The following TUSC3 variants were observed in gnomAD, a reference collection of about 807,000 sequenced individuals.
TUSC3 encodes dolichyl-diphosphooligosaccharide--protein glycosyltransferase subunit TUSC3.
A neutral mutation model predicts 44.8 loss-of-function variants in TUSC3; 45 were observed. That is an observed-to-expected ratio of 1.00 (90% CI 0.79 to 1.29). The LOEUF (loss-of-function observed/expected upper bound fraction) is 1.29, where lower values mean the gene tolerates loss of function less well. Ranked by LOEUF, TUSC3 falls within the 50% of genes most tolerant of loss-of-function variation. The probability of loss-of-function intolerance (pLI) is 0.00; values close to 1 mark genes in which losing one functional copy is unlikely to be tolerated. For synonymous variants in TUSC3, 212 were observed against 152.9 expected (o/e 1.39, Z -2.85); for missense variants, 519 against 437.9 (o/e 1.19, Z -1.65).
intron 1 of TUSC3, among the ~76,000 whole-genome samples, chr8:15,606,165 C>T (rs1460943440): frequency 6.6e-6 from 1 of 151,958 alleles, no homozygotes; most frequent in East Asian, 1.9e-4. Flanking sequence ...TTGATAGATA[C>T]CATAGATTGA....
At chr8:15,544,286 AT>A (rs1248031047) in intron 1 of TUSC3, among the ~76,000 whole-genome samples, 1 of 146,628 alleles carries the variant, frequency 6.8e-6, no homozygotes, top group Non-Finnish European at 1.5e-5. Flanking sequence ...AATCAGCTTC[AT>A]TTAGAATTGT....
intron 6 of TUSC3, among the ~76,000 whole-genome samples, chr8:15,684,749 T>C (rs547087362): frequency 1.1e-3 from 169 of 152,236 alleles, no homozygotes; most frequent in Non-Finnish European, 1.4e-3. Context: ...TTGGTATCCC[T>C]GGGTGGTGTG....
intron 2 of TUSC3, among the ~76,000 whole-genome samples, chr8:15,534,222 A>C (rs1019057360): frequency 6.6e-6 from 1 of 152,190 alleles, no homozygotes; most frequent in African/African-American, 2.4e-5. Flanking sequence ...GCAAGATAAA[A>C]TAATAACTTT....
intron 6 of TUSC3, among the ~76,000 whole-genome samples, chr8:15,703,169 A>C (rs769675166): frequency 1.3e-5 from 2 of 152,060 alleles, no homozygotes; most frequent in Non-Finnish European, 2.9e-5. Context: ...ATCTTTCTAA[A>C]CTCTTTATGA....
Position 15,443,334 on chromosome 8 carries a change from A to G in TUSC3, n.91+26029A>G, listed in dbSNP as rs561458772. ...CAGGTATACAACACCACACCCACCTAATTGTGTGTGTGTGTGTGTGTGTGT... is the reference window on the plus strand; with the variant it reads ...CAGGTATACAACACCACACCCACCTGATTGTGTGTGTGTGTGTGTGTGTGT... On this transcript the variant is annotated intron_variant and non_coding_transcript_variant, in intron 1 of 5. Transcript: ENST00000503191. 6.3e-5 allele frequency among the ~76,000 whole-genome samples: 6 copies of G among 95,672 alleles called. No individual in the cohort carries two copies. The East Asian group carries it at 2.3e-3, about 37-fold the overall frequency. The allele number at this position is 95,672 out of a possible 152,430, so 62.8% of individuals were successfully genotyped here. A position where few individuals can be genotyped will look rare whatever the true frequency, so the allele number is the denominator to read the frequency against.
intron 2 of TUSC3, among the ~76,000 whole-genome samples, chr8:15,510,214 G>T (rs909212140): frequency 2.6e-5 from 4 of 151,962 alleles, no homozygotes; most frequent in Non-Finnish European, 5.9e-5. Flanking sequence ...AAAGCCAAAA[G>T]AAGGAGAAAA....
intron 2 of TUSC3, among the ~76,000 whole-genome samples, chr8:15,508,042 G>C (rs189941192): frequency 6.6e-6 from 1 of 152,050 alleles, no homozygotes; most frequent in Non-Finnish European, 1.5e-5. Flanking sequence ...AGGAGTTCAC[G>C]GCCAGCCTGG....
chr8:15,749,026 G>T (rs1323023962), intron 9 of TUSC3, among the ~76,000 whole-genome samples: 2 of 152,110 alleles, frequency 1.3e-5, no homozygotes, highest in Admixed American at 6.5e-5. Context: ...TTTCAGTAAA[G>T]CACACTACAG....
At chr8:15,700,323 T>A (rs1297457710) in intron 6 of TUSC3, among the ~76,000 whole-genome samples, 8 of 151,772 alleles carry the variant, frequency 5.3e-5, no homozygotes, top group Non-Finnish European at 4.4e-5. Context: ...TATTCTGGGC[T>A]GAATTCCTGT....
At chr8:15,718,562 T>C (rs999845293) in intron 6 of TUSC3, among the ~76,000 whole-genome samples, 2 of 152,112 alleles carry the variant, frequency 1.3e-5, no homozygotes, top group Admixed American at 1.3e-4. Context: ...GTAAAAGAGC[T>C]GTTGAATTTA....
At chr8:15,478,324 T>C (rs1800609933) in intron 1 of TUSC3, among the ~76,000 whole-genome samples, 1 of 152,128 alleles carries the variant, frequency 6.6e-6, no homozygotes, top group Non-Finnish European at 1.5e-5. Flanking sequence ...GTGCAGGGTT[T>C]TTACATAAGT....
chr8:15,471,679 G>T (rs910168496), intron 1 of TUSC3, among the ~76,000 whole-genome samples: 4 of 149,202 alleles, frequency 2.7e-5, no homozygotes, highest in African/African-American at 9.9e-5. Flanking sequence ...GAACAATCGT[G>T]TGATCTCAGC....
chr8:15,735,761 G>A (rs1440981664), intron 7 of TUSC3, among the ~76,000 whole-genome samples: 3 of 152,074 alleles, frequency 2.0e-5, no homozygotes, highest in African/African-American at 4.8e-5. Context: ...GTGCAGTGGC[G>A]TGATCTCCGC....
the TUSC3 span, among the ~76,000 whole-genome samples, chr8:15,823,873 C>T: frequency 7.9e-5 from 12 of 152,218 alleles, no homozygotes; most frequent in Middle Eastern, 3.4e-3. Flanking sequence ...AAATCTCTTC[C>T]GTAAAGCATT....
Position 15,730,704 on chromosome 8 carries a change from A to G in TUSC3, c.837A>G (p.Ala279=). The G allele has an allele frequency of 6.2e-7, 1 of 1,613,252 alleles. No homozygotes were observed. The highest frequency in any genetic ancestry group is 8.5e-7 in the Non-Finnish European group (1 of 1,179,438). The change falls in exon 7 of 11, where the codon GCA becomes GCG. Residue 279 remains alanine, a synonymous_variant. Coordinates refer to ENST00000503731, the MANE Select transcript of TUSC3 (RefSeq NM_006765.4). ...IHGSSQAQFV[A]ESHIILVLNA... ...GGAGCAGCCAGGCTCAGTTTGTGGCAGAATCACACATTATTCTGGTACTGA... is the reference window on the plus strand; with the variant it reads ...GGAGCAGCCAGGCTCAGTTTGTGGCGGAATCACACATTATTCTGGTACTGA...
At position 15,511,478 on chromosome 8, in the gene TUSC3, A is replaced by G. The variant is rs541308396; in HGVS notation, n.189+27995A>G. Among the ~76,000 whole-genome samples, 8 of 152,334 alleles carry G rather than the reference A, an allele frequency of 5.3e-5. No individual in the cohort carries two copies. In the South Asian group the frequency reaches 1.0e-3, roughly 20 times the overall value. ...ATACAAAAATGTATTGTATTTCTCTATATTAGCAATGAACAGTCAGAACCT... is the reference window on the plus strand; with the variant it reads ...ATACAAAAATGTATTGTATTTCTCTGTATTAGCAATGAACAGTCAGAACCT... On this transcript the variant is annotated intron_variant and non_coding_transcript_variant, in intron 2 of 5. Coordinates refer to the TUSC3 transcript ENST00000503191.
At chr8:15,700,820 GGTCC>G (rs1563180298) in intron 6 of TUSC3, among the ~76,000 whole-genome samples, 2 of 141,534 alleles carry the variant, frequency 1.4e-5, no homozygotes, top group African/African-American at 5.5e-5. Flanking sequence ...TCCCTTTTCT[GGTCC>G]TTTCACTAGA....
At position 15,766,349 on chromosome 8, in the gene TUSC3, A is replaced by G. The variant is rs774723993; in HGVS notation, c.*2193A>G. 6.6e-6 allele frequency: 1 copy of G among 152,112 alleles called. No homozygotes were observed. Among genetic ancestry groups the G allele is most frequent in the Non-Finnish European group, 1.5e-5 (1 of 67,990 alleles). The allele number at this position is 152,112 out of a possible 1,614,324, so 9.4% of individuals were successfully genotyped here. On this transcript the variant is annotated 3_prime_UTR_variant, in exon 11 of 11. Transcript: ENST00000503731. ...CTTGCAGAATGTAACGTGCAAAATC[A>G]CATACATGCGATGTATTTACCTTTG... is the stretch of plus-strand genomic sequence containing the variant.
intron 1 of TUSC3, among the ~76,000 whole-genome samples, chr8:15,437,154 C>T (rs918227966): frequency 6.6e-6 from 1 of 152,128 alleles, no homozygotes; most frequent in African/African-American, 2.4e-5. Flanking sequence ...TATAACTAAT[C>T]ATGCACTAAT....
Sources: allele counts gnomAD v4.1 joint callset (sites outside exome capture counted in the v4.1 genomes callset), GRCh38; gene constraint gnomAD v4.1.1; transcripts MANE v1.5; gene names NCBI Gene and HGNC (gene_info 2026-07-23, HGNC 2026-07-21).